SCHIP1: variants seen among roughly 807,000 people sequenced by gnomAD.
The protein encoded by SCHIP1 is schwannomin-interacting protein 1.
A neutral mutation model predicts 29.7 loss-of-function variants in SCHIP1; 8 were observed. The ratio of observed to expected loss-of-function variants is 0.27; its 90% CI spans 0.16 to 0.49. The LOEUF (loss-of-function observed/expected upper bound fraction) is 0.49. Among genes scored for constraint, SCHIP1 ranks in the 20% least tolerant of loss-of-function variants. The pLI, the probability that SCHIP1 is intolerant of heterozygous loss-of-function variation, is 0.99. For synonymous variants in SCHIP1, 76 were observed against 94.9 expected, an observed-to-expected ratio of 0.80 and a Z score of 1.16; for missense variants, 193 against 294.6, an observed-to-expected ratio of 0.66 and a Z score of 2.52.
chr3:159,359,218 G>A, the SCHIP1 span, among the ~76,000 whole-genome samples: 2 of 152,038 alleles, frequency 1.3e-5, no homozygotes, highest in African/African-American at 2.4e-5. Context: ...GAGCCACTGC[G>A]CCCAGCAGCA....
intron 6 of SCHIP1, among the ~76,000 whole-genome samples, chr3:159,896,374 C>T (rs182792018): frequency 2.0e-5 from 3 of 152,270 alleles, no homozygotes. Flanking sequence ...TCTTGCTCAC[C>T]ATCAAATACC....
At chr3:159,891,617 G>A in intron 5 of SCHIP1, among the ~76,000 whole-genome samples, 1 of 152,108 alleles carries the variant, frequency 6.6e-6, no homozygotes, top group East Asian at 1.9e-4. Context: ...TGCACATAGG[G>A]CTTCTCCTTT....
At chr3:159,507,928 CT>C in the SCHIP1 span, among the ~76,000 whole-genome samples, 1 of 151,872 alleles carries the variant, frequency 6.6e-6, no homozygotes, top group African/African-American at 2.4e-5. Context: ...CTAAAATTCT[CT>C]TTTTTTGTTG....
the SCHIP1 span, among the ~76,000 whole-genome samples, chr3:159,494,083 T>C: frequency 6.6e-6 from 1 of 152,142 alleles, no homozygotes; most frequent in African/African-American, 2.4e-5. Flanking sequence ...TACCAGAATC[T>C]CTGGAACATA....
At chr3:159,750,534 A>G in the SCHIP1 span, among the ~76,000 whole-genome samples, 1 of 152,048 alleles carries the variant, frequency 6.6e-6, no homozygotes, top group African/African-American at 2.4e-5. Flanking sequence ...TGAGAGAAGT[A>G]GGATAGACAG....
the SCHIP1 span, among the ~76,000 whole-genome samples, chr3:159,784,056 C>G: frequency 9.3e-4 from 142 of 152,294 alleles, no homozygotes; most frequent in Non-Finnish European, 1.7e-3. Context: ...CCCCTTCCAT[C>G]CCATATGTGA....
the SCHIP1 span, among the ~76,000 whole-genome samples, chr3:159,337,087 A>G: frequency 1.3e-5 from 2 of 152,208 alleles, no homozygotes; most frequent in East Asian, 1.9e-4. Flanking sequence ...AACAGAACCA[A>G]TGAAGAAAAC....
the SCHIP1 span, among the ~76,000 whole-genome samples, chr3:159,494,574 T>G: frequency 7.9e-5 from 12 of 152,340 alleles, no homozygotes; most frequent in Admixed American, 3.3e-4. Flanking sequence ...AATCTCTGAT[T>G]AGACCAATAA....
the SCHIP1 span, among the ~76,000 whole-genome samples, chr3:159,557,059 G>A: frequency 1.3e-5 from 2 of 151,278 alleles, no homozygotes; most frequent in African/African-American, 2.4e-5. Flanking sequence ...CCGGGTTCAC[G>A]CCATTCTCCT....
At chr3:159,892,324 A>G in intron 6 of SCHIP1, 134 bp downstream of exon 7, 1 of 993,404 alleles carries the variant, frequency 1.0e-6, no homozygotes, top group Non-Finnish European at 1.5e-6. Context: ...TTCTGGTGCC[A>G]GCTGTTCAGA....
the SCHIP1 span, among the ~76,000 whole-genome samples, chr3:159,775,720 T>G: frequency 2.0e-5 from 3 of 152,234 alleles, no homozygotes; most frequent in African/African-American, 7.2e-5. Flanking sequence ...ACACGTGGGT[T>G]GTAGGCGTGC....
At chr3:159,553,458 A>G in the SCHIP1 span, among the ~76,000 whole-genome samples, 1 of 152,196 alleles carries the variant, frequency 6.6e-6, no homozygotes, top group Non-Finnish European at 1.5e-5. Context: ...GCCTTTATTG[A>G]TAGTTTGAAT....
chr3:159,859,906 G>A (rs1025452358), intron 1 of SCHIP1, among the ~76,000 whole-genome samples: 1 of 152,188 alleles, frequency 6.6e-6, no homozygotes, highest in African/African-American at 2.4e-5. Context: ...GTACTTACAA[G>A]CCCTCCAGGT....
At chr3:159,625,018 C>G in the SCHIP1 span, among the ~76,000 whole-genome samples, 1 of 152,150 alleles carries the variant, frequency 6.6e-6, no homozygotes, top group African/African-American at 2.4e-5. Context: ...AAGGAAGAGG[C>G]AGTTAGAGAA....
the SCHIP1 span, among the ~76,000 whole-genome samples, chr3:159,807,345 G>C: frequency 6.6e-6 from 1 of 152,176 alleles, no homozygotes. Context: ...AAACGGGCAA[G>C]TAATGGATGA....
the SCHIP1 span, among the ~76,000 whole-genome samples, chr3:159,527,490 C>A: frequency 1.3e-5 from 2 of 152,180 alleles, no homozygotes; most frequent in Non-Finnish European, 2.9e-5. Flanking sequence ...CAACAAAACT[C>A]TCTTAGTTGT....
the SCHIP1 span, among the ~76,000 whole-genome samples, chr3:159,512,462 A>C: frequency 1.3e-5 from 2 of 152,228 alleles, no homozygotes; most frequent in East Asian, 3.8e-4. Flanking sequence ...AAGAGAACCT[A>C]TCCCACATGA....
rs140745125 is a variant in SCHIP1 at position 159,886,820 on chromosome 3, A to G, written c.267+496A>G. The G allele has an allele frequency of 6.2e-4, 99 of 159,990 alleles. No individual in the cohort carries two copies. In the East Asian group the frequency reaches 0.018, roughly 28 times the overall value. The allele number at this position is 159,990 out of a possible 1,614,324, so 9.9% of individuals were successfully genotyped here. A position where few individuals can be genotyped will look rare whatever the true frequency, so the allele number is the denominator to read the frequency against. Reference sequence around the variant, plus strand: ...ATAAAGACATATCCAAGACTGGGCAATTTACAAAAGAAAGAGGTTTAATGG... The same window carrying G: ...ATAAAGACATATCCAAGACTGGGCAGTTTACAAAAGAAAGAGGTTTAATGG... On this transcript the variant is annotated intron_variant, in intron 3 of 6. Transcript: ENST00000445224.
At chr3:159,301,493 C>T in the SCHIP1 span, among the ~76,000 whole-genome samples, 2,671 of 152,146 alleles carry the variant, frequency 0.018, 77 homozygotes, top group African/African-American at 0.061. Context: ...AGAATTCTCA[C>T]GTTTGGGAAC....
Sources: gnomAD v4.1 joint callset for allele counts (sites outside exome capture counted in the v4.1 genomes callset) on GRCh38, gnomAD v4.1.1 for gene constraint, MANE v1.5 for transcripts, NCBI Gene and HGNC (gene_info 2026-07-23, HGNC 2026-07-21) for gene names.